Variants in POGLUT3 observed in about 807,000 individuals in gnomAD.
POGLUT3 encodes the protein protein O-glucosyltransferase 3, also known as KDEL (Lys-Asp-Glu-Leu) containing 2.
A neutral mutation model predicts 54.3 loss-of-function variants in POGLUT3; 48 were observed. That is an observed-to-expected ratio of 0.88 (90% CI 0.70 to 1.12). POGLUT3 has a LOEUF of 1.12. POGLUT3 is among the 50% of genes most tolerant of loss of function. POGLUT3 has a pLI of 0.00. For synonymous variants in POGLUT3, 218 were observed against 237.4 expected (o/e 0.92, Z 0.75); for missense variants, 629 against 618.7 (o/e 1.02, Z -0.18).
At chr11:108,487,973 A>G (rs2093606704) in intron 2 of POGLUT3, among the ~76,000 whole-genome samples, 1 of 151,896 alleles carries the variant, frequency 6.6e-6, no homozygotes, top group Admixed American at 6.6e-5. Flanking sequence ...CCCACCTGAA[A>G]CAACCAGAAA....
At chr11:108,478,975 T>C (rs1255310162) in intron 6 of POGLUT3, among the ~76,000 whole-genome samples, 1 of 152,262 alleles carries the variant, frequency 6.6e-6, no homozygotes, top group East Asian at 1.9e-4. Context: ...TATTTTCTTG[T>C]TCATAAAGCA....
rs1475003836 is a variant in POGLUT3 at position 108,484,970 on chromosome 11, G to A, written c.684+1187C>T. On this transcript the variant is annotated intron_variant, in intron 3 of 7. Transcript: ENST00000323468. ...ATAAGGGGGCGCTATTGGGGGATGT[G>A]GGGAGCCTGAAAAACAGAGGGCCTA... Among the ~76,000 whole-genome samples, 4 of 152,066 alleles carry A rather than the reference G, an allele frequency of 2.6e-5. 1 individual carries two copies. Among genetic ancestry groups the A allele is most frequent in the Middle Eastern group, 6.3e-3 (2 of 316 alleles).
Position 108,498,253 on chromosome 11 carries a change from C to T in POGLUT3, c.114G>A (p.Gly38=). 2 of 1,504,436 alleles carry T rather than the reference C, an allele frequency of 1.3e-6. No individual in the cohort carries two copies. Among genetic ancestry groups the T allele is most frequent in the Admixed American group, 2.2e-5 (1 of 45,002 alleles). 93.2% of individuals were successfully genotyped at this position (1,504,436 alleles called of 1,614,324 possible). A position where few individuals can be genotyped will look rare whatever the true frequency, so the allele number is the denominator to read the frequency against. The change falls in exon 1 of 8, where the codon GGG becomes GGA. Residue 38 remains glycine (G), a synonymous_variant. Transcript: ENST00000323468. ...CCGGCAGGACGACGGCCGCCTGCAGCCCGGGCCCCCACACCAGGCTCCGCG... is the reference window on the plus strand; with the variant it reads ...CCGGCAGGACGACGGCCGCCTGCAGTCCGGGCCCCCACACCAGGCTCCGCG... ...SAPRSLVWGP[G]LQAAVVLPVR... is the part of the protein sequence containing the mutation.
Position 108,472,199 on chromosome 11 carries a change from A to G in POGLUT3, c.*2628T>C, listed in dbSNP as rs1029409027. 6.6e-5 allele frequency: 10 copies of G among 152,172 alleles called. No homozygotes were observed. The highest frequency in any genetic ancestry group is 1.5e-4 in the Non-Finnish European group (10 of 68,028). 9.4% of individuals were successfully genotyped at this position (152,172 alleles called of 1,614,324 possible). A position where few individuals can be genotyped will look rare whatever the true frequency, so the allele number is the denominator to read the frequency against. ...ATAAAGTTCTAAACATAGATTTAAA[A>G]AGAGCAAAATGGAAAAAATATAAAT... On this transcript the variant is annotated 3_prime_UTR_variant, in exon 8 of 8. Coordinates refer to ENST00000323468, the MANE Select transcript of POGLUT3 (RefSeq NM_153705.5).
intron 3 of POGLUT3, among the ~76,000 whole-genome samples, chr11:108,485,225 G>A (rs1248603539): frequency 6.6e-6 from 1 of 152,188 alleles, no homozygotes; most frequent in Admixed American, 6.5e-5. Context: ...TATGCTTAGG[G>A]TAAAACAAGG....
intron 1 of POGLUT3, among the ~76,000 whole-genome samples, chr11:108,493,028 C>T (rs10890849): frequency 0.63 from 95,360 of 151,556 alleles, 30,171 homozygotes; most frequent in Middle Eastern, 0.76. Context: ...CCTGATCAAA[C>T]AGTCTTATTC....
chr11:108,490,274 T>C (rs2093610762), intron 2 of POGLUT3, among the ~76,000 whole-genome samples: 1 of 152,056 alleles, frequency 6.6e-6, no homozygotes, highest in Non-Finnish European at 1.5e-5. Context: ...CTTGGCTCAC[T>C]GCAACCTCCA....
At chr11:108,496,273 C>T (rs142043003) in intron 1 of POGLUT3, among the ~76,000 whole-genome samples, 1 of 151,386 alleles carries the variant, frequency 6.6e-6, no homozygotes, top group East Asian at 1.9e-4. Context: ...GTAGCTATGA[C>T]TGTACCACTG....
intron 2 of POGLUT3, among the ~76,000 whole-genome samples, chr11:108,489,824 C>T (rs975542835): frequency 6.6e-6 from 1 of 152,200 alleles, no homozygotes; most frequent in Admixed American, 6.5e-5. Context: ...TATGTGCCTG[C>T]AGTCCTAGCT....
intron 6 of POGLUT3, among the ~76,000 whole-genome samples, 160 bp from the exon 7 acceptor site, chr11:108,477,871 G>A (rs537442045): frequency 2.6e-5 from 4 of 152,182 alleles, no homozygotes; most frequent in East Asian, 1.9e-4. Flanking sequence ...TACAGGGGCC[G>A]GACATGGTGG....
rs758231223 is a variant in POGLUT3 at position 108,486,263 on chromosome 11, A to C, written c.578T>G (p.Ile193Ser). 6.2e-7 allele frequency: 1 copy of C among 1,614,120 alleles called. No individual in the cohort carries two copies. Among genetic ancestry groups the C allele is most frequent in the Non-Finnish European group, 8.5e-7 (1 of 1,179,994 alleles). Residue 193 changes from isoleucine (I) to serine (S), a missense_variant, in exon 3 of 8, where the codon ATT becomes AGT. Coordinates refer to ENST00000323468, the MANE Select transcript of POGLUT3 (RefSeq NM_153705.5). ...PKRFGDERGA[I>S]VHYTILNNHV... is the part of the protein sequence containing the mutation. ...GTTATTGAGAATCGTGTAATGAACA[A>C]TGGCACCTCTCTCATCCCCAAACCT...
chr11:108,476,343 G>A (rs189494611), intron 7 of POGLUT3, among the ~76,000 whole-genome samples: 41 of 152,220 alleles, frequency 2.7e-4, no homozygotes, highest in African/African-American at 8.9e-4. Context: ...ATGATGGCCA[G>A]GCTGGTCTTG....
chr11:108,477,947 G>A (rs758606403), intron 6 of POGLUT3: 18 of 493,110 alleles, frequency 3.7e-5, no homozygotes, highest in South Asian at 3.3e-4. Context: ...TCAAGAGTTC[G>A]AGATCAGTCT....
chr11:108,479,252 CTGA>C, intron 6 of POGLUT3, 46 bp downstream of exon 6: 1 of 1,299,374 alleles, frequency 7.7e-7, no homozygotes, highest in Non-Finnish European at 1.1e-6. Context: ...TCATCTAACA[CTGA>C]TGAATTTGTT....
At chr11:108,483,086 G>C (rs1326665027) in intron 3 of POGLUT3, among the ~76,000 whole-genome samples, 1 of 152,172 alleles carries the variant, frequency 6.6e-6, no homozygotes, top group Non-Finnish European at 1.5e-5. Context: ...AGGCTGCTCA[G>C]ATTTCCAAAA....
intron 7 of POGLUT3, among the ~76,000 whole-genome samples, chr11:108,475,979 T>TA (rs1454987037): frequency 1.3e-5 from 2 of 151,656 alleles, no homozygotes; most frequent in African/African-American, 2.4e-5. Flanking sequence ...AGCTTGTTTC[T>TA]AAAAAAAATA....
chr11:108,493,066 A>G (rs2093615968), intron 1 of POGLUT3, among the ~76,000 whole-genome samples: 2 of 152,354 alleles, frequency 1.3e-5, no homozygotes, highest in African/African-American at 4.8e-5. Context: ...TAAATAAACA[A>G]AACAGTTATA....
rs2093624531 is a variant in POGLUT3, at chr11:108,497,679, A to G, written c.202+486T>C. Among the ~76,000 whole-genome samples, 3 of 152,208 alleles carry G rather than the reference A, an allele frequency of 2.0e-5. No individual in the cohort carries two copies. In the South Asian group the frequency reaches 6.2e-4, roughly 32 times the overall value. On this transcript the variant is annotated intron_variant, in intron 1 of 7. Coordinates refer to ENST00000323468, the MANE Select transcript of POGLUT3 (RefSeq NM_153705.5). ...AGAACTAAAAAGGAAACAAAAAACT[A>G]ACACGTAAACCCCTCCTCCTTCCTA...
chr11:108,497,643 T>C (rs1045640823), intron 1 of POGLUT3, among the ~76,000 whole-genome samples: 1 of 152,164 alleles, frequency 6.6e-6, no homozygotes, highest in Non-Finnish European at 1.5e-5. Flanking sequence ...GTAATCTGCT[T>C]TCAAAAACTC....
Sources: gnomAD v4.1 joint callset for allele counts (sites outside exome capture counted in the v4.1 genomes callset) on GRCh38, gnomAD v4.1.1 for gene constraint, MANE v1.5 for transcripts, NCBI Gene and HGNC (gene_info 2026-07-23, HGNC 2026-07-21) for gene names.